Variants in STXBP5L observed in about 807,000 individuals in gnomAD.
STXBP5L encodes the protein syntaxin binding protein 5L, also known as syntaxin-binding protein 5-like.
In STXBP5L, 65 loss-of-function variants were observed where a neutral mutation model predicts 144.5. The ratio of observed to expected loss-of-function variants is 0.45; its 90% CI spans 0.37 to 0.55. The LOEUF is 0.55. Among genes scored for constraint, STXBP5L ranks in the 20% least tolerant of loss-of-function variants. STXBP5L has a pLI of 0.00. For missense variants in STXBP5L, 1,298 were observed against 1,405.5 expected (o/e 0.92, Z 1.22); for synonymous variants, 505 against 469.6 (o/e 1.08, Z -0.97).
intron 7 of STXBP5L, among the ~76,000 whole-genome samples, chr3:121,128,265 A>T (rs1274867835): frequency 6.6e-6 from 1 of 152,012 alleles, no homozygotes; most frequent in Non-Finnish European, 1.5e-5. Context: ...ATTTGCTGGC[A>T]TGGCTCCTTG....
At chr3:121,062,337 G>T (rs193015401) in intron 5 of STXBP5L, among the ~76,000 whole-genome samples, 1 of 152,102 alleles carries the variant, frequency 6.6e-6, no homozygotes, top group Non-Finnish European at 1.5e-5. Context: ...TCTTCTGGCT[G>T]GTAGGGTTTC....
chr3:121,338,971 T>C (rs2044609926), intron 20 of STXBP5L, among the ~76,000 whole-genome samples: 1 of 152,028 alleles, frequency 6.6e-6, no homozygotes. Context: ...TACCAGACAT[T>C]CAAAGAATTG....
chr3:121,065,114 A>T (rs1576833331), intron 5 of STXBP5L, among the ~76,000 whole-genome samples: 1 of 151,542 alleles, frequency 6.6e-6, no homozygotes, highest in Non-Finnish European at 1.5e-5. Context: ...GTGTATATGT[A>T]CCACATTTTC....
At chr3:121,134,786 T>A (rs1176622365) in intron 7 of STXBP5L, among the ~76,000 whole-genome samples, 1 of 152,224 alleles carries the variant, frequency 6.6e-6, no homozygotes, top group African/African-American at 2.4e-5. Flanking sequence ...GTGCCATATT[T>A]TCTTAATCCA....
chr3:121,093,977 G>T lies in STXBP5L; in HGVS notation c.471-20948G>T, dbSNP rs2042972957. 3.9e-5 allele frequency among the ~76,000 whole-genome samples: 6 copies of T among 152,118 alleles called. No homozygotes were observed. In the South Asian group the frequency reaches 1.2e-3, roughly 32 times the overall value. On this transcript the variant is annotated intron_variant, in intron 5 of 26. Coordinates refer to ENST00000471454, the MANE Select transcript of STXBP5L (RefSeq NM_001308330.2). ...GGAGATTCTGGTACGTTGTGTCTTT[G>T]TTCTCGTTGGTTTCAAAGAACATCT... is the stretch of plus-strand genomic sequence containing the variant.
intron 14 of STXBP5L, among the ~76,000 whole-genome samples, chr3:121,241,754 A>ACGTTTT (rs1259306169): frequency 1.3e-5 from 2 of 152,170 alleles, no homozygotes; most frequent in Admixed American, 6.6e-5. Context: ...ATGGCTGAAA[A>ACGTTTT]CTTATCAAAT....
chr3:120,950,625 G>A (rs1029670931), intron 2 of STXBP5L, among the ~76,000 whole-genome samples: 5 of 151,966 alleles, frequency 3.3e-5, no homozygotes, highest in Admixed American at 1.3e-4. Flanking sequence ...ATGCTGGTGC[G>A]CTGCACCCAC....
intron 16 of STXBP5L, among the ~76,000 whole-genome samples, chr3:121,256,782 T>C (rs75546507): frequency 0.014 from 2,186 of 151,842 alleles, 26 homozygotes; most frequent in Middle Eastern, 0.021. Flanking sequence ...GGAATAACCA[T>C]AATCAACTTC....
intron 7 of STXBP5L, among the ~76,000 whole-genome samples, chr3:121,142,597 A>G (rs2045553805): frequency 6.6e-6 from 1 of 152,030 alleles, no homozygotes; most frequent in African/African-American, 2.4e-5. Context: ...CAATAGTGGA[A>G]GAAAACTCCA....
At position 121,121,567 on chromosome 3, in the gene STXBP5L, T is replaced by G. The variant is rs142258690; in HGVS notation, c.606-74T>G. The G allele has an allele frequency of 2.0e-3, 2,089 of 1,061,540 alleles. 32 individuals carry two copies. The African/African-American group carries it at 0.029, about 15-fold the overall frequency. 65.8% of individuals were successfully genotyped at this position (1,061,540 alleles called of 1,614,324 possible). On this transcript the variant is annotated intron_variant, in intron 6 of 26. Transcript: ENST00000471454. ...ATTTTATTCCAGTGTAATCTTAATT[T>G]CTTTGTTTCAGTCTCTAGTGGTAAG... is the stretch of plus-strand genomic sequence containing the variant.
At chr3:121,072,041 G>A (rs902191856) in intron 5 of STXBP5L, among the ~76,000 whole-genome samples, 1 of 152,174 alleles carries the variant, frequency 6.6e-6, no homozygotes, top group Admixed American at 6.5e-5. Context: ...GCTGTATGCA[G>A]TTTCCATTTG....
At chr3:121,377,459 G>T (rs933166729) in intron 20 of STXBP5L, among the ~76,000 whole-genome samples, 1 of 152,158 alleles carries the variant, frequency 6.6e-6, no homozygotes, top group Non-Finnish European at 1.5e-5. Flanking sequence ...CTAATATCTA[G>T]AATCTACAAG....
At chr3:121,002,615 T>A (rs1943878689) in intron 3 of STXBP5L, among the ~76,000 whole-genome samples, 1 of 152,168 alleles carries the variant, frequency 6.6e-6, no homozygotes, top group South Asian at 2.1e-4. Context: ...ATTACCAAGA[T>A]CAGTATCAAA....
chr3:120,913,750 CCTTCTAGATT>C (rs1708969617), intron 2 of STXBP5L, among the ~76,000 whole-genome samples: 1 of 151,888 alleles, frequency 6.6e-6, no homozygotes, highest in Non-Finnish European at 1.5e-5. Context: ...AGTGTCAAGT[CCTTCTAGATT>C]ATATATACAG....
At chr3:121,071,135 G>A (rs573470872) in intron 5 of STXBP5L, among the ~76,000 whole-genome samples, 1 of 152,230 alleles carries the variant, frequency 6.6e-6, no homozygotes, top group Admixed American at 6.5e-5. Context: ...ATAACCATAG[G>A]TGAAAGTGTC....
At chr3:121,248,571 A>G (rs1281226585) in intron 14 of STXBP5L, among the ~76,000 whole-genome samples, 2 of 152,036 alleles carry the variant, frequency 1.3e-5, no homozygotes, top group African/African-American at 4.8e-5. Flanking sequence ...TACTTTGTAA[A>G]TATTTTCTCC....
At chr3:120,942,670 C>T (rs1010333355) in intron 2 of STXBP5L, among the ~76,000 whole-genome samples, 3 of 151,100 alleles carry the variant, frequency 2.0e-5, no homozygotes, top group Admixed American at 2.0e-4. Flanking sequence ...TAATTTACCA[C>T]ATTCTTTTAT....
At chr3:121,321,804 C>T (rs2043979592) in intron 20 of STXBP5L, among the ~76,000 whole-genome samples, 1 of 152,152 alleles carries the variant, frequency 6.6e-6, no homozygotes, top group Admixed American at 6.6e-5. Flanking sequence ...TTAGGCAAAC[C>T]AGAAACCAGT....
At chr3:121,043,651 G>T (rs745525521) in intron 4 of STXBP5L, among the ~76,000 whole-genome samples, 2 of 152,164 alleles carry the variant, frequency 1.3e-5, no homozygotes, top group Non-Finnish European at 1.5e-5. Flanking sequence ...AGAGGTTGCA[G>T]TGAGCTAAGA....
Sources: allele counts gnomAD v4.1 joint callset (sites outside exome capture counted in the v4.1 genomes callset), GRCh38; gene constraint gnomAD v4.1.1; transcripts MANE v1.5; gene names NCBI Gene and HGNC (gene_info 2026-07-23, HGNC 2026-07-21).